Variants in ZNF398 observed in about 807,000 individuals in gnomAD.
ZNF398 encodes zinc finger protein 398, also known as zinc finger DNA binding protein ZER6.
Under a neutral mutation model 41.9 loss-of-function variants are expected in ZNF398, and 18 were observed. The ratio of observed to expected loss-of-function variants is 0.43; its 90% CI spans 0.30 to 0.64. ZNF398 has a LOEUF of 0.64. ZNF398 is among the 30% of genes least tolerant of loss of function. The probability of loss-of-function intolerance (pLI) is 0.14; values close to 1 mark genes in which losing one functional copy is unlikely to be tolerated. For synonymous variants in ZNF398, 260 were observed against 308.8 expected, an observed-to-expected ratio of 0.84 and a Z score of 1.66; for missense variants, 669 against 822.8, an observed-to-expected ratio of 0.81 and a Z score of 2.29.
chr7:149,154,438 A>G (rs373758598), intron 2 of ZNF398, 98 bp downstream of exon 2: 49 of 1,329,490 alleles, frequency 3.7e-5, no homozygotes, highest in South Asian at 3.7e-4. Flanking sequence ...TTTCCTTTTA[A>G]AGTTTCTTAA....
At chr7:149,139,748 G>A (rs1370321623) in intron 2 of ZNF398, among the ~76,000 whole-genome samples, 1 of 151,608 alleles carries the variant, frequency 6.6e-6, no homozygotes, top group African/African-American at 2.4e-5. Flanking sequence ...GCTCACGCCT[G>A]TAATCCCAGC....
chr7:149,166,790 ACTCT>A, intron 3 of ZNF398, 23 bp from the exon 4 acceptor site: 1 of 1,515,904 alleles, frequency 6.6e-7, no homozygotes, highest in Non-Finnish European at 9.1e-7. Flanking sequence ...TCTTTGTAAT[ACTCT>A]CTCTTCCTTT....
At position 149,153,975 on chromosome 7, in the gene ZNF398, T is replaced by C. The variant is rs1345102066; in HGVS notation, c.55T>C (p.Ser19Pro). The stretch of plus-strand genomic sequence containing the variant: ...TGAATGGGACTCCGAGTGCCTTACA[T>C]CCCTGCAGCCCCTTCCTCTTCCTAC... ...TSEWDSECLT[S>P]LQPLPLPTPP... is the part of the protein sequence containing the mutation. Residue 19 changes from serine to proline, a missense_variant, in exon 2 of 6, where the codon TCC becomes CCC. This residue lies in a region of ZNF398 where 169 missense variants were observed against 239.5 expected (regional missense o/e 0.71). Transcript: ENST00000475153. 6.2e-7 allele frequency: 1 copy of C among 1,613,464 alleles called. No homozygotes were observed. Among genetic ancestry groups the C allele is most frequent in the Non-Finnish European group, 8.5e-7 (1 of 1,179,746 alleles).
intron 2 of ZNF398, among the ~76,000 whole-genome samples, chr7:149,164,388 C>T (rs1033022718): frequency 1.3e-5 from 2 of 151,070 alleles, no homozygotes; most frequent in Non-Finnish European, 2.9e-5. Context: ...GCCTGGGTGA[C>T]AGAGCAAGAC....
Position 149,147,674 on chromosome 7 carries a change from G to C in ZNF398, c.-69G>C, listed in dbSNP as rs1826985035. 1.6e-6 allele frequency: 2 copies of C among 1,268,732 alleles called. No individual in the cohort carries two copies. The allele number at this position is 1,268,732 out of a possible 1,614,324, so 78.6% of individuals were successfully genotyped here. On this transcript the variant is annotated 5_prime_UTR_variant, in exon 1 of 6. Coordinates refer to ENST00000475153, the MANE Select transcript of ZNF398 (RefSeq NM_170686.3). The surrounding 1 kb of genome is among the most constrained non-coding windows in gnomAD (Gnocchi z 5.6). Reference sequence around the variant, plus strand: ...AGGACCCGGCGGCCGGGCCTGCTTGGAGCCGGGCGCGGTGGCAGCGGCGGC... The same window carrying C: ...AGGACCCGGCGGCCGGGCCTGCTTGCAGCCGGGCGCGGTGGCAGCGGCGGC...
Position 149,136,302 on chromosome 7 carries a change from C to T in ZNF398, c.-490+7358C>T, listed in dbSNP as rs182688513. ...GGCCAGGCAGAGGCGCTCCTCACTT[C>T]CCAGACTGTGGGGCGGCCGAGCAGA... On this transcript the variant is annotated intron_variant, in intron 2 of 6. Coordinates refer to the ZNF398 transcript ENST00000426851. 6.5e-3 allele frequency among the ~76,000 whole-genome samples: 987 copies of T among 152,196 alleles called. 5 individuals are homozygous for T. Among genetic ancestry groups the T allele is most frequent in the Non-Finnish European group, 8.2e-3 (555 of 68,008 alleles).
intron 4 of ZNF398, among the ~76,000 whole-genome samples, chr7:149,168,963 C>G (rs942572183): frequency 1.3e-5 from 2 of 152,008 alleles, no homozygotes; most frequent in African/African-American, 4.8e-5. Context: ...AATAATACCA[C>G]CAATAAAGAT....
upstream of ZNF398, among the ~76,000 whole-genome samples, chr7:149,146,647 C>T (rs1363029471): frequency 1.3e-5 from 2 of 151,570 alleles, no homozygotes; most frequent in African/African-American, 4.8e-5. Context: ...TCAGGAGTTT[C>T]AGACCAGCCT....
Position 149,147,746 on chromosome 7 carries a change from G to T in ZNF398, c.4G>T (p.Ala2Ser). 7.2e-7 allele frequency: 1 copy of T among 1,382,276 alleles called. No homozygotes were observed. Among genetic ancestry groups the T allele is most frequent in the Non-Finnish European group, 9.4e-7 (1 of 1,067,156 alleles). 85.6% of individuals were successfully genotyped at this position (1,382,276 alleles called of 1,614,324 possible). The change falls in exon 1 of 6, where the codon GCT becomes TCT. Residue 2 changes from alanine (A) to serine (S), a missense_variant. Ala to Ser is a moderately conservative substitution (Grantham distance 99). Around this residue, in one of 3 missense-constraint regions of ZNF398, gnomAD observed 169 missense variants for 239.5 expected, o/e 0.71. Transcript: ENST00000475153. The surrounding 1 kb of genome is among the most constrained non-coding windows in gnomAD (Gnocchi z 5.6). Reference protein sequence around the residue: MAEAAPAPTSEW... With the variant: MSEAAPAPTSEW... Reference sequence around the variant, plus strand: ...CCGGGCTAGACAGCGCAGGGCCATGGCTGAGGCGGCCCCGGCCCCGGTAAG... The same window carrying T: ...CCGGGCTAGACAGCGCAGGGCCATGTCTGAGGCGGCCCCGGCCCCGGTAAG...
At position 149,154,247 on chromosome 7, in the gene ZNF398, G is replaced by T; in HGVS notation, c.327G>T (p.Leu109=). Reference sequence around the variant, plus strand: ...CCCTGCTGCAGGAGTACGGGCTGCTGCAGAGGCGGCTGGAGAACTTGGAGA... The same window carrying T: ...CCCTGCTGCAGGAGTACGGGCTGCTTCAGAGGCGGCTGGAGAACTTGGAGA... The part of the protein sequence containing the change: ...LGTLLQEYGL[L]QRRLENLENL... Residue 109 remains leucine, a synonymous_variant, in exon 2 of 6, where the codon CTG becomes CTT. Coordinates refer to ENST00000475153, the MANE Select transcript of ZNF398 (RefSeq NM_170686.3). The T allele has an allele frequency of 6.2e-7, 1 of 1,614,184 alleles. No individual in the cohort carries two copies. The highest frequency in any genetic ancestry group is 8.5e-7 in the Non-Finnish European group (1 of 1,180,042).
chr7:149,133,678 T>TATATATATATATATATATACAC (rs1483673161), intron 2 of ZNF398, among the ~76,000 whole-genome samples: 35 of 67,010 alleles, frequency 5.2e-4, no homozygotes, highest in African/African-American at 2.1e-3. Context: ...TATATATATA[T>TATATATATATATATATATACAC]ACATATATAT....
At chr7:149,149,877 A>G (rs1436626605) in intron 1 of ZNF398, among the ~76,000 whole-genome samples, 1 of 152,114 alleles carries the variant, frequency 6.6e-6, no homozygotes. Flanking sequence ...TAAGTCTTCA[A>G]AGTCTCGTGT....
intron 5 of ZNF398, among the ~76,000 whole-genome samples, chr7:149,178,195 G>A (rs1795504419): frequency 6.6e-6 from 1 of 152,110 alleles, no homozygotes; most frequent in South Asian, 2.1e-4. Context: ...GGGAGGCTGA[G>A]GCAGGAGAAT....
At position 149,172,708 on chromosome 7, in the gene ZNF398, C is replaced by T. The variant is rs985543761; in HGVS notation, c.662-3760C>T. On this transcript the variant is annotated intron_variant, in intron 4 of 5. Transcript: ENST00000475153. The stretch of plus-strand genomic sequence containing the variant: ...GTTGCACCTCAAACTGCAAAAGTTA[C>T]GGCCACAGTGTGTGATAAATACTTA... 2.3e-4 allele frequency among the ~76,000 whole-genome samples: 35 copies of T among 152,244 alleles called. 1 individual carries two copies. The highest frequency in any genetic ancestry group is 3.4e-3 in the Middle Eastern group (1 of 294).
intron 1 of ZNF398, chr7:149,128,819 C>T (rs1039229228): frequency 2.0e-5 from 2 of 102,452 alleles, no homozygotes; most frequent in Admixed American, 2.1e-4. Flanking sequence ...TGGGTTTTTT[C>T]CAGACGTAGT....
Position 149,147,799 on chromosome 7 carries a change from C to G in ZNF398, c.24+33C>G, listed in dbSNP as rs779420026. 2 of 1,374,598 alleles carry G rather than the reference C, an allele frequency of 1.5e-6. No homozygotes were observed. The highest frequency in any genetic ancestry group is 1.5e-5 in the African/African-American group (1 of 66,016). 85.2% of individuals were successfully genotyped at this position (1,374,598 alleles called of 1,614,324 possible). Reference sequence around the variant, plus strand: ...CGGCCGCGCGCGAGTGTTGTGAGCCCCCGAGACCCAGACCCCGAGGGAGGA... The same window carrying G: ...CGGCCGCGCGCGAGTGTTGTGAGCCGCCGAGACCCAGACCCCGAGGGAGGA... On this transcript the variant is annotated intron_variant, in intron 1 of 5. Coordinates refer to ENST00000475153, the MANE Select transcript of ZNF398 (RefSeq NM_170686.3). The surrounding 1 kb of genome is among the most constrained non-coding windows in gnomAD (Gnocchi z 5.6).
At chr7:149,153,760 C>T (rs1010244325) in intron 1 of ZNF398, among the ~76,000 whole-genome samples, 185 bp from the exon 2 acceptor site, 2 of 152,172 alleles carry the variant, frequency 1.3e-5, no homozygotes, top group African/African-American at 2.4e-5. Context: ...CCAGAACCAC[C>T]AAATCAGGTC....
At chr7:149,160,555 C>G (rs889602951) in intron 2 of ZNF398, among the ~76,000 whole-genome samples, 10 of 152,344 alleles carry the variant, frequency 6.6e-5, no homozygotes, top group African/African-American at 2.4e-4. Context: ...AAAGTCACAT[C>G]TCTTTTTGAG....
chr7:149,127,548 C>CAAAAAAAAAAAAA (rs61080328), intron 1 of ZNF398, among the ~76,000 whole-genome samples: 79 of 74,774 alleles, frequency 1.1e-3, no homozygotes, highest in East Asian at 1.3e-3. Flanking sequence ...ACTAAAAATA[C>CAAAAAAAAAAAAA]AAAAAAAAAA....
Sources: gnomAD v4.1 joint callset for allele counts (sites outside exome capture counted in the v4.1 genomes callset) on GRCh38, gnomAD v4.1.1 for gene constraint, gnomAD v4.1.1 regional missense constraint, Gnocchi (gnomAD v3.1) non-coding constraint, MANE v1.5 for transcripts, NCBI Gene and HGNC (gene_info 2026-07-23, HGNC 2026-07-21) for gene names.